PHC2: variants seen among roughly 807,000 people sequenced by gnomAD.
The protein encoded by PHC2 is polyhomeotic-like protein 2.
PHC2 carries 29 observed loss-of-function variants against 87.4 expected under a neutral mutation model. The ratio of observed to expected loss-of-function variants is 0.33; its 90% CI spans 0.25 to 0.45. The LOEUF (loss-of-function observed/expected upper bound fraction) is 0.45, where lower values mean the gene tolerates loss of function less well. PHC2 is among the 20% of genes least tolerant of loss of function. PHC2 has a pLI of 1.00. For synonymous variants in PHC2, 438 were observed against 461.7 expected, an observed-to-expected ratio of 0.95 and a Z score of 0.66; for missense variants, 857 against 1,136.7, an observed-to-expected ratio of 0.75 and a Z score of 3.54.
In PHC2 at chr1:33,349,872, A is replaced by G; in HGVS notation, c.1558+4529T>C. On this transcript the variant is annotated intron_variant, in intron 9 of 14. Coordinates refer to ENST00000683057, the MANE Select transcript of PHC2 (RefSeq NM_001385109.1). The surrounding 1 kb of genome is among the most constrained non-coding windows in gnomAD (Gnocchi z 4.2). ...CGCGCGCGCGCGCGGCGGGCGCTCG[A>G]GGGCTGCAGCCGCCGCGGAGACAAT... The G allele has an allele frequency of 1.0e-6, 1 of 972,334 alleles. No individual in the cohort carries two copies. Among genetic ancestry groups the G allele is most frequent in the Non-Finnish European group, 1.2e-6 (1 of 824,546 alleles). 60.2% of individuals were successfully genotyped at this position (972,334 alleles called of 1,614,324 possible).
At chr1:33,378,671 T>G (rs1648303051) in intron 1 of PHC2, among the ~76,000 whole-genome samples, 1 of 152,142 alleles carries the variant, frequency 6.6e-6, no homozygotes, top group Admixed American at 6.5e-5. Context: ...TGACCTTCCC[T>G]CCTCTATCCT....
chr1:33,384,218 A>C (rs1335168156), intron 1 of PHC2, among the ~76,000 whole-genome samples: 1 of 152,216 alleles, frequency 6.6e-6, no homozygotes, highest in Non-Finnish European at 1.5e-5. Context: ...GCACCACTTC[A>C]GACCTACGGA....
At chr1:33,348,234 A>G (rs1391650659) in intron 9 of PHC2, among the ~76,000 whole-genome samples, 1 of 152,114 alleles carries the variant, frequency 6.6e-6, no homozygotes, top group Admixed American at 6.5e-5. Flanking sequence ...CCTAAATCCT[A>G]ATCAATAGGG....
chr1:33,343,499 G>A (rs1454979011), intron 9 of PHC2, among the ~76,000 whole-genome samples: 2 of 147,226 alleles, frequency 1.4e-5, no homozygotes, highest in Non-Finnish European at 3.0e-5. Context: ...AAAGACTCTA[G>A]GCTTAAATCC....
At chr1:33,327,996 G>A (rs1473396268) in intron 14 of PHC2, among the ~76,000 whole-genome samples, 1 of 152,234 alleles carries the variant, frequency 6.6e-6, no homozygotes, top group African/African-American at 2.4e-5. Context: ...AAGTGACAGA[G>A]CCAGAATTTG....
rs1440705002 is a variant in PHC2 at position 33,349,225 on chromosome 1, A to G, written c.1558+5176T>C. The G allele has an allele frequency of 1.0e-6, 1 of 985,332 alleles. No homozygotes were observed. The highest frequency in any genetic ancestry group is 1.7e-5 in the African/African-American group (1 of 57,224). 61.0% of individuals were successfully genotyped at this position (985,332 alleles called of 1,614,324 possible). On this transcript the variant is annotated intron_variant, in intron 9 of 14. Coordinates refer to ENST00000683057, the MANE Select transcript of PHC2 (RefSeq NM_001385109.1). The surrounding 1 kb of genome is among the most constrained non-coding windows in gnomAD (Gnocchi z 4.2). ...CCAAGATAGGGAGTCCACCACCAAT[A>G]AAGTACGGCAGATGCCAGCAGTCTC...
chr1:33,389,059 TAA>T lies in PHC2; in HGVS notation c.-54-13468_-54-13467del, dbSNP rs72505785. On this transcript the variant is annotated intron_variant, in intron 1 of 14. Transcript: ENST00000683057. ...TCTCAAGTCCAAGAAATGTTCTTGT[TAA>T]AAAAAAAAAAAAAAGAAAGAAAGAA... Among the ~76,000 whole-genome samples, 22 of 137,848 alleles carry T rather than the reference TAA, an allele frequency of 1.6e-4. 1 individual carries two copies. Among genetic ancestry groups the T allele is most frequent in the East Asian group, 1.3e-3 (6 of 4,774 alleles). The allele number at this position is 137,848 out of a possible 152,430, so 90.4% of individuals were successfully genotyped here. A position where few individuals can be genotyped will look rare whatever the true frequency, so the allele number is the denominator to read the frequency against.
chr1:33,430,750 C>T (rs1650881331), intron 1 of PHC2, among the ~76,000 whole-genome samples: 1 of 150,880 alleles, frequency 6.6e-6, no homozygotes, highest in Non-Finnish European at 1.5e-5. Context: ...TGCGGGCTCC[C>T]AGCGCGGGCC....
At chr1:33,329,528 A>C (rs1646442909) in intron 13 of PHC2, among the ~76,000 whole-genome samples, 1 of 152,204 alleles carries the variant, frequency 6.6e-6, no homozygotes, top group Admixed American at 6.5e-5. Context: ...TAAGGTTATA[A>C]AACATCACAC....
At chr1:33,367,921 G>A (rs1014940179) in intron 6 of PHC2, among the ~76,000 whole-genome samples, 8 of 152,216 alleles carry the variant, frequency 5.3e-5, no homozygotes, top group Non-Finnish European at 1.2e-4. Context: ...CGGCCGGCAT[G>A]CTTACTCAGC....
chr1:33,351,588 G>A (rs777014604), intron 9 of PHC2, among the ~76,000 whole-genome samples: 1 of 152,110 alleles, frequency 6.6e-6, no homozygotes, highest in African/African-American at 2.4e-5. Flanking sequence ...TCTTGAGGTG[G>A]GGTACAGACC....
At chr1:33,406,719 GGAT>G (rs1427724721) in intron 1 of PHC2, among the ~76,000 whole-genome samples, 2 of 151,964 alleles carry the variant, frequency 1.3e-5, no homozygotes, top group Admixed American at 1.3e-4. Flanking sequence ...TTTCCTTCTG[GGAT>G]ACCCATCTGA....
rs763405848 is a variant in PHC2, at chr1:33,332,282, A to G, written c.1884T>C (p.Tyr628=). ...TTTDSEMEEP[Y]LQESKEEGAP... is the part of the protein sequence containing the mutation. ...AGGGTCTGAGATGCCCACCTTGCAG[A>G]TAGGGCTCCTCCATCTCCGAGTCAG... The change falls in exon 11 of 15, where the codon TAT becomes TAC. Residue 628 remains tyrosine, a synonymous_variant. Transcript: ENST00000683057. The surrounding 1 kb of genome is among the most constrained non-coding windows in gnomAD (Gnocchi z 4.2). 6.2e-7 allele frequency: 1 copy of G among 1,614,096 alleles called. No individual in the cohort carries two copies. The highest frequency in any genetic ancestry group is 1.3e-5 in the African/African-American group (1 of 75,036).
intron 9 of PHC2, among the ~76,000 whole-genome samples, chr1:33,351,675 G>A (rs989759472): frequency 6.6e-6 from 1 of 152,160 alleles, no homozygotes; most frequent in African/African-American, 2.4e-5. Context: ...AGAATGGGCC[G>A]GGCGCAGTGG....
At chr1:33,341,426 G>C (rs552353276) in intron 9 of PHC2, among the ~76,000 whole-genome samples, 4 of 152,214 alleles carry the variant, frequency 2.6e-5, no homozygotes, top group African/African-American at 7.2e-5. Flanking sequence ...ATCACATGTG[G>C]GCTGGAGCAT....
intron 1 of PHC2, among the ~76,000 whole-genome samples, chr1:33,430,307 C>G (rs1447018140): frequency 2.0e-5 from 3 of 152,228 alleles, no homozygotes; most frequent in African/African-American, 4.8e-5. Flanking sequence ...TAGGGCATCC[C>G]TCCTTCTCCA....
intron 1 of PHC2, among the ~76,000 whole-genome samples, chr1:33,416,474 G>A (rs56084563): frequency 0.098 from 14,747 of 151,016 alleles, 1,029 homozygotes; most frequent in East Asian, 0.28. Flanking sequence ...TACTCGGGAG[G>A]CTGAGGCAGG....
In PHC2 at chr1:33,349,805, G is replaced by C. The variant is rs1474990499; in HGVS notation, c.1558+4596C>G. 1.0e-6 allele frequency: 1 copy of C among 976,956 alleles called. No homozygotes were observed. The highest frequency in any genetic ancestry group is 4.6e-5 in the South Asian group (1 of 21,828). The allele number at this position is 976,956 out of a possible 1,614,324, so 60.5% of individuals were successfully genotyped here. ...GGCCGGGGCGCGAGGCCGGGACGGG[G>C]GCGCGAGGCCGGGGCGGGAGCGCGG... On this transcript the variant is annotated intron_variant, in intron 9 of 14. Coordinates refer to ENST00000683057, the MANE Select transcript of PHC2 (RefSeq NM_001385109.1). The surrounding 1 kb of genome is among the most constrained non-coding windows in gnomAD (Gnocchi z 4.2).
intron 9 of PHC2, chr1:33,347,471 C>T (rs764374988): frequency 1.0e-6 from 1 of 985,198 alleles, no homozygotes; most frequent in Non-Finnish European, 1.2e-6. Context: ...AACCCAGGAC[C>T]TGGGAGAGAG....
Sources: allele counts gnomAD v4.1 joint callset (sites outside exome capture counted in the v4.1 genomes callset), GRCh38; gene constraint gnomAD v4.1.1; non-coding constraint Gnocchi (gnomAD v3.1); transcripts MANE v1.5; gene names NCBI Gene and HGNC (gene_info 2026-07-23, HGNC 2026-07-21).